Variants in CCDC146 observed in about 807,000 individuals in gnomAD.
CCDC146 encodes the protein coiled-coil domain containing 146, also known as coiled-coil domain-containing protein 146.
CCDC146 carries 92 observed loss-of-function variants against 119.3 expected under a neutral mutation model. The ratio of observed to expected loss-of-function variants is 0.77; its 90% confidence interval spans 0.65 to 0.92. CCDC146 has a LOEUF of 0.92. Ranked by LOEUF, CCDC146 falls within the 40% of genes least tolerant of loss-of-function variation. CCDC146 has a pLI of 0.00. For missense variants in CCDC146, 1,000 were observed against 1,103.0 expected (o/e 0.91, Z 1.32); for synonymous variants, 372 against 371.8 (o/e 1.00, Z -0.01).
intron 4 of CCDC146, among the ~76,000 whole-genome samples, chr7:77,243,731 TTC>T (rs1792892850): frequency 6.6e-6 from 1 of 152,230 alleles, no homozygotes; most frequent in Non-Finnish European, 1.5e-5. Context: ...TCAGGAGGTA[TTC>T]CAGAAAAAGG....
intron 4 of CCDC146, chr7:77,246,226 G>A (rs1158529750): frequency 1.3e-5 from 2 of 152,208 alleles, no homozygotes; most frequent in Non-Finnish European, 2.9e-5. Flanking sequence ...CTCCCACAGA[G>A]GCTCACGCCA....
At position 77,196,137 on chromosome 7, in the gene CCDC146, C is replaced by T; in HGVS notation, c.156+28313C>T. 1.6e-6 allele frequency: 1 copy of T among 627,154 alleles called. No homozygotes were observed. 38.8% of individuals were successfully genotyped at this position (627,154 alleles called of 1,614,324 possible). The stretch of plus-strand genomic sequence containing the variant: ...AATGCATTGTTTTTCAGCTTTATTT[C>T]AAATGCTGTGTAGCATAAGAACCTA... On this transcript the variant is annotated intron_variant, in intron 2 of 18. Coordinates refer to ENST00000285871, the MANE Select transcript of CCDC146 (RefSeq NM_020879.3). This position sits in a 1 kb window ranked among gnomAD's most constrained non-coding sequence, Gnocchi z 4.2.
intron 1 of CCDC146, among the ~76,000 whole-genome samples, chr7:77,147,083 G>A (rs7797117): frequency 0.48 from 73,040 of 151,962 alleles, 18,301 homozygotes; most frequent in African/African-American, 0.6. Context: ...ACATAGTCCC[G>A]TATTTCTCGG....
At chr7:77,171,044 G>A (rs1453827693) in intron 2 of CCDC146, among the ~76,000 whole-genome samples, 1 of 151,910 alleles carries the variant, frequency 6.6e-6, no homozygotes, top group Non-Finnish European at 1.5e-5. Context: ...ATCATATGTC[G>A]AACTTTGCAA....
intron 2 of CCDC146, chr7:77,198,233 A>C (rs773859236): frequency 1.0e-6 from 1 of 985,474 alleles, no homozygotes; most frequent in Non-Finnish European, 1.2e-6. Context: ...CTTCACTGGC[A>C]GATGCCCTGG....
intron 2 of CCDC146, among the ~76,000 whole-genome samples, chr7:77,216,815 A>G (rs1313993745): frequency 6.6e-6 from 1 of 152,210 alleles, no homozygotes; most frequent in Non-Finnish European, 1.5e-5. Flanking sequence ...CTCATAAAGT[A>G]CAGTGCCAAA....
chr7:77,285,266 T>A (rs1211011079), intron 15 of CCDC146, among the ~76,000 whole-genome samples: 1 of 152,202 alleles, frequency 6.6e-6, no homozygotes, highest in African/African-American at 2.4e-5. Flanking sequence ...AAGCAAGCAC[T>A]ATATTTTTGT....
At chr7:77,199,747 G>A in intron 2 of CCDC146, 1 of 1,614,098 alleles carries the variant, frequency 6.2e-7, no homozygotes, top group Non-Finnish European at 8.5e-7. Context: ...AAAACCGTAA[G>A]TGGCAAGAAC....
intron 18 of CCDC146, 76 bp from the exon 19 acceptor site, chr7:77,294,587 G>T: frequency 7.0e-7 from 1 of 1,420,468 alleles, no homozygotes. Flanking sequence ...GACCAGCTGT[G>T]TCTTTTGGGA....
At chr7:77,142,677 T>C (rs1460634851) in intron 1 of CCDC146, among the ~76,000 whole-genome samples, 1 of 151,908 alleles carries the variant, frequency 6.6e-6, no homozygotes, top group Non-Finnish European at 1.5e-5. Context: ...TGGTTTTTTG[T>C]TCTTGCGATA....
At chr7:77,208,581 A>G (rs1341445081) in intron 2 of CCDC146, among the ~76,000 whole-genome samples, 3 of 152,244 alleles carry the variant, frequency 2.0e-5, no homozygotes, top group Non-Finnish European at 4.4e-5. Flanking sequence ...GCACATGACT[A>G]TAACTACTGC....
chr7:77,133,828 TACACAC>T lies in CCDC146; in HGVS notation c.-12+11117_-12+11122del, dbSNP rs142218364. Among the ~76,000 whole-genome samples the T allele has an allele frequency of 4.0e-4, 57 of 143,770 alleles. No homozygotes were observed. The East Asian group carries it at 7.9e-3, about 20-fold the overall frequency. 94.3% of individuals were successfully genotyped at this position (143,770 alleles called of 152,430 possible). On this transcript the variant is annotated intron_variant, in intron 1 of 18. Transcript: ENST00000285871. ...GAAAAATCAATTACATATGCTTAGG[TACACAC>T]ACACACACACACACACACACTCACA...
chr7:77,262,287 C>T lies in CCDC146; in HGVS notation c.1153C>T (p.His385Tyr). 6.2e-7 allele frequency: 1 copy of T among 1,604,794 alleles called. No individual in the cohort carries two copies. The highest frequency in any genetic ancestry group is 8.5e-7 in the Non-Finnish European group (1 of 1,175,836). The change falls in exon 9 of 19, where the codon CAT (histidine) becomes TAT (tyrosine). Residue 385 changes from histidine (H) to tyrosine (Y), a missense_variant. Physicochemically the swap from His to Tyr is moderately conservative, Grantham distance 83 (BLOSUM62 2). Around this residue, in one of 2 missense-constraint regions of CCDC146, gnomAD observed 985 missense variants for 1,045.3 expected, o/e 0.94. Transcript: ENST00000285871. ...WDALRQTQAL[H>Y]QRLLLEMEAI... is the part of the protein sequence containing the mutation. ...TGCACTTAGGCAAACTCAAGCACTG[C>T]ATCAAAGGCTTCTATTAGAGGTGAG...
Position 77,230,494 on chromosome 7 carries a change from A to ATGTGTGTGTG in CCDC146, c.157-6437_157-6428dup, listed in dbSNP as rs71524923. Among the ~76,000 whole-genome samples, 1,026 of 149,322 alleles carry ATGTGTGTGTG rather than the reference A, an allele frequency of 6.9e-3. 8 individuals are homozygous for ATGTGTGTGTG. The highest frequency in any genetic ancestry group is 0.022 in the African/African-American group (890 of 40,634). ...GATATAGGATTCTTGGTTGACAGGTATGTGTGTGTGTGTGTGTGTGTGTGT... is the reference window on the plus strand; with the variant it reads ...GATATAGGATTCTTGGTTGACAGGTATGTGTGTGTGTGTGTGTGTGTGTGTGTGTGTGTGT... On this transcript the variant is annotated intron_variant, in intron 2 of 18. Coordinates refer to ENST00000285871, the MANE Select transcript of CCDC146 (RefSeq NM_020879.3).
rs1295525821 is a variant in CCDC146, at chr7:77,262,396, AGAG to A, written c.1173+90_1173+92del. The stretch of plus-strand genomic sequence containing the variant: ...TTAGGAAGTTGTTTTTGCTGCCAGT[AGAG>A]AAGAAGAAAATACAAGTAACAGAGA... On this transcript the variant is annotated intron_variant, in intron 9 of 18. Coordinates refer to ENST00000285871, the MANE Select transcript of CCDC146 (RefSeq NM_020879.3). 13 of 1,030,990 alleles carry A rather than the reference AGAG, an allele frequency of 1.3e-5. No individual in the cohort carries two copies. In the African/African-American group the frequency reaches 2.0e-4, roughly 16 times the overall value. The allele number at this position is 1,030,990 out of a possible 1,614,324, so 63.9% of individuals were successfully genotyped here. A position where few individuals can be genotyped will look rare whatever the true frequency, so the allele number is the denominator to read the frequency against.
chr7:77,266,685 A>G (rs113715112), intron 9 of CCDC146, among the ~76,000 whole-genome samples: 4 of 151,088 alleles, frequency 2.6e-5, no homozygotes, highest in African/African-American at 9.7e-5. Flanking sequence ...AATGCCTCTC[A>G]GTACCCACTC....
chr7:77,169,617 G>A (rs143987444), intron 2 of CCDC146, among the ~76,000 whole-genome samples: 2,757 of 152,230 alleles, frequency 0.018, 68 homozygotes, highest in African/African-American at 0.063. Context: ...TTATCAGTGT[G>A]GACTTAGGTT....
rs1321613351 is a variant in CCDC146 at position 77,176,360 on chromosome 7, T to C, written c.156+8536T>C. On this transcript the variant is annotated intron_variant, in intron 2 of 18. Coordinates refer to ENST00000285871, the MANE Select transcript of CCDC146 (RefSeq NM_020879.3). Reference sequence around the variant, plus strand: ...GCATTGGCAATGAGGAAAAAAGGAGTGAATACATTTAGGAGAGATGTTAAG... The same window carrying C: ...GCATTGGCAATGAGGAAAAAAGGAGCGAATACATTTAGGAGAGATGTTAAG... 1.3e-5 allele frequency among the ~76,000 whole-genome samples: 2 copies of C among 150,852 alleles called. 1 individual carries two copies. The highest frequency in any genetic ancestry group is 4.9e-5 in the African/African-American group (2 of 40,534).
chr7:77,271,513 GATATATATATAT>G (rs56661430), intron 9 of CCDC146, among the ~76,000 whole-genome samples: 716 of 71,184 alleles, frequency 0.01, 5 homozygotes, highest in East Asian at 0.023. Flanking sequence ...ACTAATAGGA[GATATATATATAT>G]ATATATATAT....
Sources: allele counts gnomAD v4.1 joint callset (sites outside exome capture counted in the v4.1 genomes callset), GRCh38; gene constraint gnomAD v4.1.1; regional missense constraint gnomAD v4.1.1; non-coding constraint Gnocchi (gnomAD v3.1); transcripts MANE v1.5; gene names NCBI Gene and HGNC (gene_info 2026-07-23, HGNC 2026-07-21).